KCNU1: variants seen among roughly 807,000 people sequenced by gnomAD.
KCNU1 encodes the protein potassium channel subfamily U member 1.
Under a neutral mutation model 126.8 loss-of-function variants are expected in KCNU1, and 93 were observed. That is an observed-to-expected ratio of 0.73 (90% CI 0.62 to 0.87). The LOEUF (loss-of-function observed/expected upper bound fraction) is 0.87. Ranked by LOEUF, KCNU1 falls within the 40% of genes least tolerant of loss-of-function variation. The pLI, the probability that KCNU1 is intolerant of heterozygous loss-of-function variation, is 0.00. For synonymous variants in KCNU1, 523 were observed against 494.2 expected, an observed-to-expected ratio of 1.06 and a Z score of -0.77; for missense variants, 1,330 against 1,367.1, an observed-to-expected ratio of 0.97 and a Z score of 0.43.
At chr8:36,911,458 G>T (rs987078677) in intron 22 of KCNU1, among the ~76,000 whole-genome samples, 2 of 151,994 alleles carry the variant, frequency 1.3e-5, no homozygotes, top group Admixed American at 6.5e-5. Flanking sequence ...AATTAATGAG[G>T]TACCACTATA....
chr8:36,893,414 C>T (rs533988290), intron 19 of KCNU1, among the ~76,000 whole-genome samples: 84 of 151,800 alleles, frequency 5.5e-4, no homozygotes, highest in East Asian at 3.9e-3. Context: ...AAAATGCCTC[C>T]GGAAAAATTC....
chr8:36,904,191 G>C (rs1807532343), intron 19 of KCNU1, among the ~76,000 whole-genome samples: 1 of 152,144 alleles, frequency 6.6e-6, no homozygotes, highest in South Asian at 2.1e-4. Context: ...TAACAGCTAT[G>C]AAATCTCAGT....
intron 9 of KCNU1, among the ~76,000 whole-genome samples, 158 bp from the exon 10 acceptor site, chr8:36,817,492 T>C (rs952901737): frequency 6.4e-4 from 40 of 62,816 alleles, no homozygotes; most frequent in African/African-American, 2.8e-3. Flanking sequence ...AGAGCAAAAC[T>C]CCATCTCAAA....
At chr8:36,880,974 T>C (rs1415396740) in intron 19 of KCNU1, among the ~76,000 whole-genome samples, 1 of 152,038 alleles carries the variant, frequency 6.6e-6, no homozygotes, top group African/African-American at 2.4e-5. Flanking sequence ...TGGATTGCTT[T>C]GCAGGGCCCT....
At position 36,845,650 on chromosome 8, in the gene KCNU1, A is replaced by T; in HGVS notation, c.1774A>T (p.Thr592Ser). The change falls in exon 17 of 27, where the codon ACT (threonine) becomes TCT (serine). Residue 592 changes from threonine to serine, a missense_variant. Thr to Ser is a moderately conservative substitution (Grantham distance 58). This residue lies in a region of KCNU1 where 1,054 missense variants were observed against 1,053.9 expected (regional missense o/e 1.00). Coordinates refer to ENST00000399881, the MANE Select transcript of KCNU1 (RefSeq NM_001031836.3). The part of the protein sequence containing the change: ...KNTLGFFIAE[T>S]PKDVRRALFY... ...CACATTAGGGTTCTTTATTGCTGAA[A>T]CTCCAAAGGACGTCAGAAGGTAATT... The T allele has an allele frequency of 1.2e-6, 2 of 1,606,184 alleles. No homozygotes were observed. The highest frequency in any genetic ancestry group is 1.7e-6 in the Non-Finnish European group (2 of 1,172,964).
intron 2 of KCNU1, among the ~76,000 whole-genome samples, chr8:36,803,283 T>C (rs1170973793): frequency 1.3e-5 from 2 of 152,240 alleles, no homozygotes; most frequent in African/African-American, 4.8e-5. Flanking sequence ...AGTTTCATTA[T>C]TAGAATTACA....
At chr8:36,840,435 CT>C (rs1804905413) in intron 14 of KCNU1, 27 bp from the exon 15 acceptor site, 1 of 1,098,310 alleles carries the variant, frequency 9.1e-7, no homozygotes, top group Non-Finnish European at 1.4e-6. Flanking sequence ...TGTCGTTTTG[CT>C]TCGTGTGGCA....
chr8:36,832,219 G>T (rs1369034787), intron 10 of KCNU1, among the ~76,000 whole-genome samples: 9 of 152,128 alleles, frequency 5.9e-5, no homozygotes, highest in Non-Finnish European at 2.9e-5. Flanking sequence ...TGTTCTTTTG[G>T]CTCATGATTG....
chr8:36,872,337 A>G (rs1806132438), intron 19 of KCNU1, among the ~76,000 whole-genome samples: 1 of 152,180 alleles, frequency 6.6e-6, no homozygotes, highest in South Asian at 2.1e-4. Flanking sequence ...AGAGTCTTCT[A>G]TGTACATCCA....
intron 10 of KCNU1, among the ~76,000 whole-genome samples, chr8:36,821,774 C>A (rs56077432): frequency 1.3e-5 from 2 of 152,020 alleles, no homozygotes; most frequent in African/African-American, 4.8e-5. Context: ...TCAGTAGAAA[C>A]CATATTTTGT....
At chr8:36,837,250 G>A (rs926440574) in intron 14 of KCNU1, among the ~76,000 whole-genome samples, 4 of 151,940 alleles carry the variant, frequency 2.6e-5, no homozygotes, top group Admixed American at 2.0e-4. Flanking sequence ...CAAAGTAGAA[G>A]CATTGAGTTA....
At position 36,935,922 on chromosome 8, in the gene KCNU1, C is replaced by T. The variant is rs1585587965; in HGVS notation, c.*2C>T. On this transcript the variant is annotated 3_prime_UTR_variant, in exon 27 of 27. Coordinates refer to ENST00000399881, the MANE Select transcript of KCNU1 (RefSeq NM_001031836.3). ...TTTGCATATTCAGAGCCACTATAGA[C>T]CTGCCCATATTCTTCACGTGCTCTT... is the stretch of plus-strand genomic sequence containing the variant. 1 of 1,561,802 alleles carries T rather than the reference C, an allele frequency of 6.4e-7. No homozygotes were observed. Among genetic ancestry groups the T allele is most frequent in the South Asian group, 1.2e-5 (1 of 81,592 alleles).
chr8:36,807,372 T>C lies in KCNU1; in HGVS notation c.581-3T>C. Reference sequence around the variant, plus strand: ...CAGCTTTCTCCTTTCCATTGGTTTGTAGGTTTAAGGTTCCTAAGAGCCTTG... The same window carrying C: ...CAGCTTTCTCCTTTCCATTGGTTTGCAGGTTTAAGGTTCCTAAGAGCCTTG... On this transcript the variant is annotated splice_polypyrimidine_tract_variant and splice_region_variant and intron_variant, in intron 5 of 26. Coordinates refer to ENST00000399881, the MANE Select transcript of KCNU1 (RefSeq NM_001031836.3). The C allele has an allele frequency of 6.2e-7, 1 of 1,612,474 alleles. No homozygotes were observed. The highest frequency in any genetic ancestry group is 1.1e-5 in the South Asian group (1 of 91,056).
At chr8:36,824,068 C>T (rs1804228857) in intron 10 of KCNU1, among the ~76,000 whole-genome samples, 1 of 152,036 alleles carries the variant, frequency 6.6e-6, no homozygotes, top group Non-Finnish European at 1.5e-5. Context: ...AACTCCTGAC[C>T]TCAGGTGATC....
rs980473339 is a variant in KCNU1, at chr8:36,808,836, A to G, written c.732+43A>G. ...ATCCCTAGTGGTGTCTGTTGTTACC[A>G]GCATCCATTTTTTGAAAAATGGAAG... On this transcript the variant is annotated intron_variant, in intron 7 of 26. Coordinates refer to ENST00000399881, the MANE Select transcript of KCNU1 (RefSeq NM_001031836.3). 4 of 1,457,912 alleles carry G rather than the reference A, an allele frequency of 2.7e-6. No individual in the cohort carries two copies. The African/African-American group carries it at 5.6e-5, about 20-fold the overall frequency. The allele number at this position is 1,457,912 out of a possible 1,614,324, so 90.3% of individuals were successfully genotyped here.
At position 36,836,251 on chromosome 8, in the gene KCNU1, T is replaced by C. The variant is rs778026334; in HGVS notation, c.1296-45T>C. Reference sequence around the variant, plus strand: ...GAATTAAATTATATTACAAAGCCCTTTGGCTATGACACATGACTAATGAGA... The same window carrying C: ...GAATTAAATTATATTACAAAGCCCTCTGGCTATGACACATGACTAATGAGA... On this transcript the variant is annotated intron_variant, in intron 12 of 26. Coordinates refer to ENST00000399881, the MANE Select transcript of KCNU1 (RefSeq NM_001031836.3). The C allele has an allele frequency of 4.1e-6, 5 of 1,217,246 alleles. No homozygotes were observed. The South Asian group carries it at 6.3e-5, about 15-fold the overall frequency. The allele number at this position is 1,217,246 out of a possible 1,614,324, so 75.4% of individuals were successfully genotyped here.
chr8:36,884,296 T>C (rs541682901), intron 19 of KCNU1, among the ~76,000 whole-genome samples: 1 of 152,338 alleles, frequency 6.6e-6, no homozygotes, highest in South Asian at 2.1e-4. Context: ...ATTCACTTCA[T>C]ATTTTAATTA....
intron 19 of KCNU1, 41 bp downstream of exon 19, chr8:36,864,562 G>T (rs1225142468): frequency 9.2e-7 from 1 of 1,083,282 alleles, no homozygotes; most frequent in East Asian, 2.4e-5. Flanking sequence ...TAGTTTTTTT[G>T]AGAATCAGTG....
chr8:36,813,442 A>T (rs1585404890), intron 7 of KCNU1, among the ~76,000 whole-genome samples: 1 of 151,742 alleles, frequency 6.6e-6, no homozygotes, highest in Non-Finnish European at 1.5e-5. Context: ...GTCTAAAAGA[A>T]AAAACAAAGA....
Sources: allele counts gnomAD v4.1 joint callset (sites outside exome capture counted in the v4.1 genomes callset), GRCh38; gene constraint gnomAD v4.1.1; regional missense constraint gnomAD v4.1.1; transcripts MANE v1.5; gene names NCBI Gene and HGNC (gene_info 2026-07-23, HGNC 2026-07-21).